Variants in CSF2RA observed in about 807,000 individuals in gnomAD.
CSF2RA encodes the protein granulocyte-macrophage colony-stimulating factor receptor subunit alpha.
CSF2RA carries 42 observed loss-of-function variants against 51.6 expected under a neutral mutation model. The observed-to-expected ratio is 0.81, with a 90% CI of 0.64 to 1.05. CSF2RA has a LOEUF of 1.05. Among genes scored for constraint, CSF2RA ranks in the 50% least tolerant of loss-of-function variants. The pLI is 0.00. For missense variants in CSF2RA, 530 were observed against 501.1 expected (o/e 1.06, Z -0.55); for synonymous variants, 222 against 193.0 (o/e 1.15, Z -1.24).
At chrX:1,300,437 C>A in intron 9 of CSF2RA, 54 bp from the exon 10 acceptor site, 5 of 1,604,400 alleles carry the variant, frequency 3.1e-6, no homozygotes, top group South Asian at 1.1e-5. Context: ...AAAAAGGCAA[C>A]CTTTTCCTCC....
Position 1,286,017 on chromosome X carries a change from C to G in CSF2RA, c.219+97C>G. The G allele has an allele frequency of 6.1e-6, 9 of 1,464,680 alleles. No homozygotes were observed. In the South Asian group the frequency reaches 1.0e-4, roughly 17 times the overall value. The allele number at this position is 1,464,680 out of a possible 1,614,324, so 90.7% of individuals were successfully genotyped here. ...GCTGGGCGCGGCGGCTCACGCCTGT[C>G]ATCCCAGCACTTTGGGAGGCTGAGG... On this transcript the variant is annotated intron_variant, in intron 4 of 12. Transcript: ENST00000381529.
At chrX:1,301,956 G>A (rs1298671276) in intron 10 of CSF2RA, among the ~76,000 whole-genome samples, 3 of 119,150 alleles carry the variant, frequency 2.5e-5, no homozygotes, top group Non-Finnish European at 5.0e-5. Context: ...CGCTCTTGTT[G>A]CCCAGGCTGG....
the CSF2RA span, among the ~76,000 whole-genome samples, chrX:1,323,022 G>A: frequency 9.4e-3 from 1,421 of 151,826 alleles, 8 homozygotes; most frequent in Admixed American, 0.017. Flanking sequence ...CCAGCTACTC[G>A]GGAGGCTGAG....
At chrX:1,291,813 A>C (rs2091429156) in intron 7 of CSF2RA, among the ~76,000 whole-genome samples, 1 of 147,920 alleles carries the variant, frequency 6.8e-6, no homozygotes, top group Non-Finnish European at 1.5e-5. Context: ...GTCCACCTGG[A>C]TCCAGTGTAG....
At chrX:1,294,209 C>T in intron 7 of CSF2RA, 119 bp from the exon 8 acceptor site, 1 of 1,265,056 alleles carries the variant, frequency 7.9e-7, no homozygotes, top group South Asian at 1.2e-5. Context: ...TAGACAGGAC[C>T]TACTCCACCT....
At chrX:1,314,510 C>T (rs1393875178), downstream of CSF2RA, among the ~76,000 whole-genome samples, 74 of 115,288 alleles carry the variant, frequency 6.4e-4, no homozygotes, top group Middle Eastern at 4.2e-3. Flanking sequence ...TGCCCAACCG[C>T]ACTGCACCTG....
rs1179095382 is a variant in CSF2RA at position 1,304,190 on chromosome X, C to T, written c.1043+171C>T. On this transcript the variant is annotated intron_variant, in intron 11 of 12. Coordinates refer to ENST00000381529, the MANE Select transcript of CSF2RA (RefSeq NM_172245.4). ...CTGGGAGGCCGAGGCGGGTGGATCA[C>T]GAGGTCAGGAGATCGAGACCATCCT... Among the ~76,000 whole-genome samples the T allele has an allele frequency of 1.8e-4, 13 of 73,314 alleles. 4 individuals are homozygous for T. The highest frequency in any genetic ancestry group is 3.4e-4 in the Non-Finnish European group (13 of 38,500). 48.1% of individuals were successfully genotyped at this position (73,314 alleles called of 152,430 possible).
intron 8 of CSF2RA, 71 bp downstream of exon 8, chrX:1,294,532 G>A: frequency 6.3e-7 from 1 of 1,599,404 alleles, no homozygotes; most frequent in Non-Finnish European, 8.6e-7. Flanking sequence ...AGGAGCCTGG[G>A]AATCCCGGGG....
intron 9 of CSF2RA, 34 bp downstream of exon 9, chrX:1,295,490 C>T: frequency 6.3e-7 from 1 of 1,576,226 alleles, no homozygotes; most frequent in Non-Finnish European, 8.6e-7. Context: ...TGACAACCCT[C>T]AGCGTAACCC....
intron 1 of CSF2RA, among the ~76,000 whole-genome samples, chrX:1,269,629 AAG>A (rs1432808769): frequency 3.1e-4 from 15 of 48,982 alleles, no homozygotes; most frequent in East Asian, 1.3e-3. Context: ...TCTCAAAAAA[AAG>A]AAAAAGAAAA....
At chrX:1,271,432 C>T (rs779556906) in intron 1 of CSF2RA, among the ~76,000 whole-genome samples, 1 of 148,664 alleles carries the variant, frequency 6.7e-6, no homozygotes, top group African/African-American at 2.5e-5. Flanking sequence ...CTCCACCTCC[C>T]GGGTTCAAGC....
At chrX:1,274,612 A>ACTGTGCCCGGACTTTTTTTT (rs1603417347) in intron 1 of CSF2RA, 143 bp from the exon 2 acceptor site, 1 of 399,860 alleles carries the variant, frequency 2.5e-6, no homozygotes, top group Non-Finnish European at 4.9e-6. Context: ...GGCGTGAGCC[A>ACTGTGCCCGGACTTTTTTTT]TGGCGCCCAG....
Position 1,293,406 on chromosome X carries a change from A to G in CSF2RA, c.647-922A>G, listed in dbSNP as rs770091339. On this transcript the variant is annotated intron_variant, in intron 7 of 12. Coordinates refer to ENST00000381529, the MANE Select transcript of CSF2RA (RefSeq NM_172245.4). Reference sequence around the variant, plus strand: ...GCTAATTTTTTTGGATTTTTAGTAGAGACGGGGTTTCACCGTGTTAGCCAG... The same window carrying G: ...GCTAATTTTTTTGGATTTTTAGTAGGGACGGGGTTTCACCGTGTTAGCCAG... Among the ~76,000 whole-genome samples the G allele has an allele frequency of 5.9e-5, 9 of 152,152 alleles. No homozygotes were observed. The East Asian group carries it at 1.5e-3, about 26-fold the overall frequency.
the CSF2RA span, among the ~76,000 whole-genome samples, chrX:1,319,881 ATTTGTTTGTTTG>A: frequency 2.7e-5 from 4 of 147,322 alleles, no homozygotes; most frequent in Non-Finnish European, 6.0e-5. Flanking sequence ...CGCCTGGCTA[ATTTGTTTGTTTG>A]TTTGTTTGTT....
At chrX:1,322,083 A>AAT in the CSF2RA span, among the ~76,000 whole-genome samples, 1 of 125,338 alleles carries the variant, frequency 8.0e-6, no homozygotes, top group South Asian at 2.6e-4. Flanking sequence ...CAGCCTGGGC[A>AAT]ATATAATAAC....
At chrX:1,275,794 G>A (rs1278922026) in intron 2 of CSF2RA, among the ~76,000 whole-genome samples, 2 of 151,846 alleles carry the variant, frequency 1.3e-5, no homozygotes, top group African/African-American at 4.8e-5. Flanking sequence ...TCCTGACTTC[G>A]TGATCCGCCC....
At chrX:1,311,507 C>T (rs1429064272), downstream of CSF2RA, among the ~76,000 whole-genome samples, 1 of 151,618 alleles carries the variant, frequency 6.6e-6, no homozygotes, top group African/African-American at 2.4e-5. Context: ...AATCTCTGCT[C>T]ACTGCAACCT....
chrX:1,290,424 G>A lies in CSF2RA; in HGVS notation c.561G>A (p.Thr187=), dbSNP rs73618036. Residue 187 remains threonine, a synonymous_variant, in exon 7 of 13, where the codon ACG becomes ACA. Transcript: ENST00000381529. ...GCHLDNLSGL[T]SRNYFLVNGT... ...ACCTGGATAACCTGTCAGGATTAACGTCTCGCAATTACTTTCTGGTTAACG... is the reference window on the plus strand; with the variant it reads ...ACCTGGATAACCTGTCAGGATTAACATCTCGCAATTACTTTCTGGTTAACG... 5.1e-3 allele frequency: 8,188 copies of A among 1,613,688 alleles called. 318 individuals carry two copies. The African/African-American group carries it at 0.093, about 18-fold the overall frequency.
intron 7 of CSF2RA, among the ~76,000 whole-genome samples, chrX:1,292,792 G>GCTTCCTCTTATCTCAACCGCGAGAGGA (rs2091525369): frequency 6.6e-6 from 1 of 152,130 alleles, no homozygotes; most frequent in Non-Finnish European, 1.5e-5. Context: ...GAGACGGAGG[G>GCTTCCTCTTATCTCAACCGCGAGAGGA]CTTCCTCTTA....
Sources: gnomAD v4.1 joint callset for allele counts (sites outside exome capture counted in the v4.1 genomes callset) on GRCh38, gnomAD v4.1.1 for gene constraint, MANE v1.5 for transcripts, NCBI Gene and HGNC (gene_info 2026-07-23, HGNC 2026-07-21) for gene names.